The following CPXM2 variants were observed in gnomAD, a reference collection of about 807,000 sequenced individuals.
CPXM2 encodes the protein carboxypeptidase X, M14 family member 2.
CPXM2 carries 66 observed loss-of-function variants against 86.1 expected under a neutral mutation model. The observed-to-expected ratio is 0.77, with a 90% CI of 0.63 to 0.94. The LOEUF is 0.94. Ranked by LOEUF, CPXM2 falls within the 40% of genes least tolerant of loss-of-function variation. The pLI is 0.00. For missense variants in CPXM2, 948 were observed against 1,026.3 expected (o/e 0.92, Z 1.04); for synonymous variants, 388 against 400.2 (o/e 0.97, Z 0.36).
chr10:123,879,495 C>G lies in CPXM2; in HGVS notation c.403+716G>C, dbSNP rs200155715. On this transcript the variant is annotated intron_variant, in intron 2 of 13. Coordinates refer to ENST00000241305, the MANE Select transcript of CPXM2 (RefSeq NM_198148.3). ...GGATAATAATGATAATAATAATACC[C>G]ATAGTCAGGGGGGCACTAGGGGATG... Among the ~76,000 whole-genome samples, 3 of 152,214 alleles carry G rather than the reference C, an allele frequency of 2.0e-5. No homozygotes were observed. The East Asian group carries it at 5.8e-4, about 29-fold the overall frequency.
At chr10:123,938,250 G>A (rs1455532107) in intron 2 of CPXM2, among the ~76,000 whole-genome samples, 2 of 152,194 alleles carry the variant, frequency 1.3e-5, no homozygotes, top group Non-Finnish European at 1.5e-5. Flanking sequence ...ATTCTGACAA[G>A]CTCCTGGATG....
chr10:123,865,941 T>C lies in CPXM2; in HGVS notation c.404-3218A>G, dbSNP rs1411434747. On this transcript the variant is annotated intron_variant, in intron 2 of 13. Coordinates refer to ENST00000241305, the MANE Select transcript of CPXM2 (RefSeq NM_198148.3). The surrounding 1 kb of genome is among the most constrained non-coding windows in gnomAD (Gnocchi z 4.7). ...TGGCCCTTTGGGACTCCTCAGCCTC[T>C]TCTCCGTTTTTCTGTACTGGGCCCC... is the stretch of plus-strand genomic sequence containing the variant. Among the ~76,000 whole-genome samples, 1 of 152,064 alleles carries C rather than the reference T, an allele frequency of 6.6e-6. No homozygotes were observed. The highest frequency in any genetic ancestry group is 1.5e-5 in the Non-Finnish European group (1 of 67,992).
chr10:123,922,360 G>A (rs1184191627), intron 2 of CPXM2, among the ~76,000 whole-genome samples: 1 of 152,164 alleles, frequency 6.6e-6, no homozygotes, highest in East Asian at 1.9e-4. Flanking sequence ...GGGAATAAGG[G>A]CAAACATATA....
intron 3 of CPXM2, among the ~76,000 whole-genome samples, chr10:123,849,280 C>T (rs75488368): frequency 0.013 from 1,903 of 152,140 alleles, 34 homozygotes; most frequent in African/African-American, 0.043. Context: ...CTAAGTCTTA[C>T]GTAACATACT....
intron 9 of CPXM2, among the ~76,000 whole-genome samples, chr10:123,767,999 T>C (rs1846524276): frequency 6.6e-6 from 1 of 152,232 alleles, no homozygotes; most frequent in Non-Finnish European, 1.5e-5. Flanking sequence ...TTGGTCGGCA[T>C]GTCCACCTCT....
intron 8 of CPXM2, among the ~76,000 whole-genome samples, chr10:123,769,755 G>A (rs545759184): frequency 9.4e-4 from 143 of 152,260 alleles, no homozygotes; most frequent in Admixed American, 2.7e-3. Flanking sequence ...GAATCTGCCC[G>A]TGCCTTAACC....
At chr10:123,808,469 T>C (rs553998097) in intron 4 of CPXM2, among the ~76,000 whole-genome samples, 1 of 152,170 alleles carries the variant, frequency 6.6e-6, no homozygotes, top group Non-Finnish European at 1.5e-5. Context: ...AAAATGCATC[T>C]AACAGTGCCA....
At chr10:123,810,638 G>A (rs909286857) in intron 4 of CPXM2, among the ~76,000 whole-genome samples, 1 of 152,044 alleles carries the variant, frequency 6.6e-6, no homozygotes, top group African/African-American at 2.4e-5. Context: ...ATAAAGATGT[G>A]CAAGATATTT....
intron 4 of CPXM2, among the ~76,000 whole-genome samples, chr10:123,814,272 G>A (rs1222105395): frequency 1.3e-5 from 2 of 152,136 alleles, no homozygotes; most frequent in Non-Finnish European, 2.9e-5. Context: ...CTAATCAGGG[G>A]CCAATGCAGC....
At chr10:123,915,998 TCA>T (rs1374467834) in intron 2 of CPXM2, among the ~76,000 whole-genome samples, 1 of 152,126 alleles carries the variant, frequency 6.6e-6, no homozygotes, top group African/African-American at 2.4e-5. Flanking sequence ...GGGAAAACAG[TCA>T]CCAGCTTTGA....
At chr10:123,878,109 G>A (rs548852249) in intron 2 of CPXM2, among the ~76,000 whole-genome samples, 1 of 152,154 alleles carries the variant, frequency 6.6e-6, no homozygotes, top group African/African-American at 2.4e-5. Context: ...CAGGGTTTGA[G>A]AATGCCCGGT....
intron 4 of CPXM2, among the ~76,000 whole-genome samples, chr10:123,813,556 T>A (rs1368261848): frequency 6.6e-6 from 1 of 152,216 alleles, no homozygotes; most frequent in Non-Finnish European, 1.5e-5. Context: ...TAAAAATTCT[T>A]ACATCTTAAA....
At chr10:123,818,811 C>G (rs1202281029) in intron 4 of CPXM2, among the ~76,000 whole-genome samples, 1 of 152,114 alleles carries the variant, frequency 6.6e-6, no homozygotes, top group Non-Finnish European at 1.5e-5. Context: ...GCAAAGTTCT[C>G]CAGAAGGCCA....
intron 3 of CPXM2, 147 bp downstream of exon 3, chr10:123,862,467 A>C: frequency 1.4e-6 from 1 of 727,272 alleles, no homozygotes; most frequent in Admixed American, 2.5e-5. Context: ...CTCTCTCTGT[A>C]AAATTAGGAT....
chr10:123,748,833 C>G (rs532348672), intron 13 of CPXM2, among the ~76,000 whole-genome samples: 2 of 152,036 alleles, frequency 1.3e-5, no homozygotes, highest in Admixed American at 1.3e-4. Flanking sequence ...CAAGCCCGAG[C>G]GAGCCACCTC....
chr10:123,920,640 G>A (rs1399186617), intron 2 of CPXM2, among the ~76,000 whole-genome samples: 2 of 152,126 alleles, frequency 1.3e-5, no homozygotes, highest in East Asian at 1.9e-4. Flanking sequence ...AAATGACAGT[G>A]GATAATTGTT....
At chr10:123,878,468 A>AG (rs1945029025) in intron 2 of CPXM2, among the ~76,000 whole-genome samples, 1 of 147,692 alleles carries the variant, frequency 6.8e-6, no homozygotes, top group African/African-American at 2.5e-5. Flanking sequence ...GCCAGTAGGG[A>AG]GGGGTGTACC....
At chr10:123,914,096 G>T in intron 2 of CPXM2, 1 of 469,830 alleles carries the variant, frequency 2.1e-6, no homozygotes, top group East Asian at 6.3e-5. Flanking sequence ...CAATTTGGGA[G>T]GAGATCCAGC....
rs1486567376 is a variant in CPXM2, at chr10:123,862,601, C to G, written c.513+13G>C. 6.2e-7 allele frequency: 1 copy of G among 1,609,180 alleles called. No individual in the cohort carries two copies. Among genetic ancestry groups the G allele is most frequent in the Non-Finnish European group, 8.5e-7 (1 of 1,175,568 alleles). On this transcript the variant is annotated intron_variant, in intron 3 of 13. Coordinates refer to ENST00000241305, the MANE Select transcript of CPXM2 (RefSeq NM_198148.3). Reference sequence around the variant, plus strand: ...AAGGCAGTCAAAATCCTTCCAACCACAGGGCCAGGTACCTGGATGTTGAGT... The same window carrying G: ...AAGGCAGTCAAAATCCTTCCAACCAGAGGGCCAGGTACCTGGATGTTGAGT...
Sources: gnomAD v4.1 joint callset for allele counts (sites outside exome capture counted in the v4.1 genomes callset) on GRCh38, gnomAD v4.1.1 for gene constraint, Gnocchi (gnomAD v3.1) non-coding constraint, MANE v1.5 for transcripts, NCBI Gene and HGNC (gene_info 2026-07-23, HGNC 2026-07-21) for gene names.